PGM5: variants seen among roughly 807,000 people sequenced by gnomAD.
PGM5 encodes phosphoglucomutase-like protein 5.
In PGM5, 23 loss-of-function variants were observed where a neutral mutation model predicts 59.2. The ratio of observed to expected loss-of-function variants is 0.39; its 90% CI spans 0.28 to 0.55. The LOEUF (loss-of-function observed/expected upper bound fraction) is 0.55, where lower values mean the gene tolerates loss of function less well. PGM5 is among the 20% of genes least tolerant of loss of function. The probability of loss-of-function intolerance (pLI) is 0.66; values close to 1 mark genes in which losing one functional copy is unlikely to be tolerated. For synonymous variants in PGM5, 214 were observed against 286.0 expected (o/e 0.75, Z 2.54); for missense variants, 574 against 748.3 (o/e 0.77, Z 2.72).
intron 1 of PGM5, among the ~76,000 whole-genome samples, chr9:68,359,069 C>A (rs1329638490): frequency 6.6e-6 from 1 of 152,126 alleles, no homozygotes; most frequent in African/African-American, 2.4e-5. Flanking sequence ...AGAAACATGG[C>A]CTGTCCAATA....
Position 68,529,702 on chromosome 9 carries a change from G to C in PGM5, c.*46G>C. The C allele has an allele frequency of 8.4e-7, 1 of 1,190,122 alleles. No individual in the cohort carries two copies. The highest frequency in any genetic ancestry group is 2.7e-5 in the East Asian group (1 of 36,840). The allele number at this position is 1,190,122 out of a possible 1,614,324, so 73.7% of individuals were successfully genotyped here. On this transcript the variant is annotated 3_prime_UTR_variant, in exon 11 of 11. Coordinates refer to ENST00000396396, the MANE Select transcript of PGM5 (RefSeq NM_021965.4). ...CAGGGCCAAAGAGAGTGCTCAGCGG[G>C]AGATGCTTCACTGATGCCTTCTTGC...
At chr9:68,440,014 A>G (rs1294448910) in intron 6 of PGM5, among the ~76,000 whole-genome samples, 2 of 152,218 alleles carry the variant, frequency 1.3e-5, no homozygotes, top group African/African-American at 4.8e-5. Flanking sequence ...TCAGTTTACC[A>G]AAAAGATCCA....
intron 6 of PGM5, among the ~76,000 whole-genome samples, chr9:68,436,524 T>C (rs1456355061): frequency 6.6e-6 from 1 of 152,198 alleles, no homozygotes; most frequent in Non-Finnish European, 1.5e-5. Flanking sequence ...AATGACAAAC[T>C]GTATACACTC....
chr9:68,486,477 T>C (rs1824298280), intron 9 of PGM5, among the ~76,000 whole-genome samples: 1 of 152,198 alleles, frequency 6.6e-6, no homozygotes, highest in Admixed American at 6.5e-5. Flanking sequence ...CCCTGATCTT[T>C]CTGTCTCTAT....
chr9:68,358,294 A>C (rs2131966515), intron 1 of PGM5, among the ~76,000 whole-genome samples: 1 of 152,100 alleles, frequency 6.6e-6, no homozygotes, highest in East Asian at 1.9e-4. Flanking sequence ...TCTGCAATCC[A>C]GATTCTCAGA....
At chr9:68,363,804 A>G (rs1834627354) in intron 1 of PGM5, among the ~76,000 whole-genome samples, 1 of 152,272 alleles carries the variant, frequency 6.6e-6, no homozygotes, top group African/African-American at 2.4e-5. Flanking sequence ...CCCAGAAACC[A>G]CTTGTTTCCT....
chr9:68,416,991 C>T (rs751146378), intron 6 of PGM5, among the ~76,000 whole-genome samples: 8 of 152,028 alleles, frequency 5.3e-5, no homozygotes, highest in African/African-American at 1.2e-4. Flanking sequence ...TTTTTCCTAA[C>T]GGGGTTCAGT....
At chr9:68,386,123 T>C (rs1339633025) in intron 3 of PGM5, among the ~76,000 whole-genome samples, 54 of 151,864 alleles carry the variant, frequency 3.6e-4, no homozygotes, top group African/African-American at 1.2e-3. Context: ...TTTAGGCAAG[T>C]GGTTCAAGAA....
In PGM5 at chr9:68,465,122, A is replaced by T; in HGVS notation, c.1073A>T (p.Tyr358Phe). The T allele has an allele frequency of 6.2e-7, 1 of 1,612,008 alleles. No individual in the cohort carries two copies. The highest frequency in any genetic ancestry group is 8.5e-7 in the Non-Finnish European group (1 of 1,178,148). ...GCCAAATCAATGAAGGTCCCTGTAT[A>T]TGAGACCCCAGCTGGATGGAGATTC... ...RVAKSMKVPV[Y>F]ETPAGWRFFS... is the part of the protein sequence containing the mutation. The change falls in exon 7 of 11, where the codon TAT becomes TTT. Residue 358 changes from tyrosine to phenylalanine, a missense_variant. Physicochemically the swap from Tyr to Phe is conservative, Grantham distance 22. Coordinates refer to ENST00000396396, the MANE Select transcript of PGM5 (RefSeq NM_021965.4).
At chr9:68,457,575 CAT>C (rs1486411041) in intron 6 of PGM5, among the ~76,000 whole-genome samples, 1 of 152,318 alleles carries the variant, frequency 6.6e-6, no homozygotes, top group Non-Finnish European at 1.5e-5. Flanking sequence ...TCCTTTCCCT[CAT>C]GTCTTATGAC....
At chr9:68,494,002 A>G (rs1209503125) in intron 9 of PGM5, among the ~76,000 whole-genome samples, 2 of 152,212 alleles carry the variant, frequency 1.3e-5, no homozygotes, top group African/African-American at 4.8e-5. Context: ...CTGAAAAGTA[A>G]GGAAAACACT....
At chr9:68,501,660 C>G (rs1824576889) in intron 10 of PGM5, among the ~76,000 whole-genome samples, 2 of 152,240 alleles carry the variant, frequency 1.3e-5, no homozygotes, top group African/African-American at 4.8e-5. Flanking sequence ...TCCACCTTCT[C>G]TAATCTGCAG....
chr9:68,520,446 G>C (rs975766291), intron 10 of PGM5, among the ~76,000 whole-genome samples: 61 of 152,046 alleles, frequency 4.0e-4, no homozygotes, highest in African/African-American at 1.5e-3. Flanking sequence ...TATACAATTA[G>C]TAAAGAACAT....
intron 8 of PGM5, 97 bp downstream of exon 8, chr9:68,479,650 T>C: frequency 7.4e-7 from 1 of 1,343,048 alleles, no homozygotes; most frequent in Non-Finnish European, 1.0e-6. Flanking sequence ...AAAGGAGGCA[T>C]CAGGCCGGGC....
chr9:68,468,435 G>A (rs2132081460), intron 7 of PGM5, among the ~76,000 whole-genome samples: 1 of 152,276 alleles, frequency 6.6e-6, no homozygotes, highest in South Asian at 2.1e-4. Flanking sequence ...CATTTATTAA[G>A]TGTTTACAAT....
intron 10 of PGM5, among the ~76,000 whole-genome samples, chr9:68,525,450 C>A (rs1824957382): frequency 6.6e-6 from 1 of 151,626 alleles, no homozygotes; most frequent in South Asian, 2.1e-4. Context: ...TCCATGGTGG[C>A]CCCATAGGAT....
At chr9:68,384,803 A>C (rs1479410218) in intron 3 of PGM5, among the ~76,000 whole-genome samples, 1 of 149,256 alleles carries the variant, frequency 6.7e-6, no homozygotes, top group Non-Finnish European at 1.5e-5. Context: ...ACTTCATTAT[A>C]GCATTCCAAA....
intron 10 of PGM5, among the ~76,000 whole-genome samples, chr9:68,525,612 T>C (rs559677886): frequency 1.3e-5 from 2 of 152,340 alleles, no homozygotes; most frequent in South Asian, 4.1e-4. Context: ...ATATACCATC[T>C]AGGTTTGTGT....
chr9:68,370,996 A>G (rs529510056), intron 1 of PGM5, among the ~76,000 whole-genome samples: 4 of 152,194 alleles, frequency 2.6e-5, no homozygotes, highest in South Asian at 4.2e-4. Flanking sequence ...GATAATGTTC[A>G]TATATGTGAT....
Sources: gnomAD v4.1 joint callset for allele counts (sites outside exome capture counted in the v4.1 genomes callset) on GRCh38, gnomAD v4.1.1 for gene constraint, MANE v1.5 for transcripts, NCBI Gene and HGNC (gene_info 2026-07-23, HGNC 2026-07-21) for gene names.